RALGAPA1: variants seen among roughly 807,000 people sequenced by gnomAD.
RALGAPA1 encodes the protein Ral GTPase activating protein catalytic subunit alpha 1.
RALGAPA1 carries 52 observed loss-of-function variants against 269.6 expected under a neutral mutation model. The observed-to-expected ratio is 0.19, with a 90% confidence interval of 0.15 to 0.24. The LOEUF is 0.24. Ranked by LOEUF, RALGAPA1 falls within the 10% of genes least tolerant of loss-of-function variation. RALGAPA1 has a pLI of 1.00. For missense variants in RALGAPA1, 1,917 were observed against 3,013.9 expected, an observed-to-expected ratio of 0.64 and a Z score of 8.52; for synonymous variants, 817 against 1,008.3, an observed-to-expected ratio of 0.81 and a Z score of 3.60.
intron 17 of RALGAPA1, among the ~76,000 whole-genome samples, chr14:35,695,866 G>A (rs1375831269): frequency 1.3e-5 from 2 of 152,156 alleles, no homozygotes; most frequent in Middle Eastern, 3.2e-3. Context: ...GTTACCAAAT[G>A]TCTACAATCT....
chr14:35,747,983 G>A (rs1433763208), intron 10 of RALGAPA1, among the ~76,000 whole-genome samples: 1 of 151,514 alleles, frequency 6.6e-6, no homozygotes, highest in African/African-American at 2.4e-5. Context: ...ACTAAGCCTT[G>A]AGGGTAAAAG....
At position 35,606,022 on chromosome 14, in the gene RALGAPA1, G is replaced by A. The variant is rs184311318; in HGVS notation, c.6930-313C>T. On this transcript the variant is annotated intron_variant, in intron 35 of 41. Transcript: ENST00000680220. ...AGAGCATCAGGAAGGACACATAGGT[G>A]TGAATACATAAGCATCTTAAGAGTT... Among the ~76,000 whole-genome samples the A allele has an allele frequency of 1.4e-3, 207 of 152,336 alleles. 3 individuals are homozygous for A. Among genetic ancestry groups the A allele is most frequent in the African/African-American group, 4.7e-3 (195 of 41,584 alleles).
At chr14:35,804,123 A>G (rs2077179065) in intron 1 of RALGAPA1, among the ~76,000 whole-genome samples, 1 of 151,316 alleles carries the variant, frequency 6.6e-6, no homozygotes, top group African/African-American at 2.4e-5. Flanking sequence ...TTAGCCAGGC[A>G]TGGTGACACC....
intron 33 of RALGAPA1, among the ~76,000 whole-genome samples, chr14:35,634,228 T>C (rs528935925): frequency 6.6e-6 from 1 of 152,260 alleles, no homozygotes; most frequent in South Asian, 2.1e-4. Context: ...GAAATGCTCA[T>C]TGGAGCATTT....
chr14:35,697,265 A>G (rs2066976317), intron 17 of RALGAPA1, among the ~76,000 whole-genome samples: 1 of 152,216 alleles, frequency 6.6e-6, no homozygotes, highest in Non-Finnish European at 1.5e-5. Context: ...CAGGATATCA[A>G]TATGTGTACT....
chr14:35,725,071 T>C lies in RALGAPA1; in HGVS notation c.1819A>G (p.Lys607Glu), dbSNP rs144614582. Residue 607 changes from lysine (K) to glutamate (E), a missense_variant, in exon 14 of 42, where the codon AAA (lysine) becomes GAA (glutamate). This residue lies in a region of RALGAPA1 where 462 missense variants were observed against 725.6 expected (regional missense o/e 0.64). Transcript: ENST00000680220. ...CGACCTGCCAAGGTCATATTTTTTT[T>C]CCCTTGGAACTGTAGAAAAGCTTGT... Reference protein sequence around the residue: ...PSQAFLQFQGKKNMTLAGRLA... With the variant: ...PSQAFLQFQGEKNMTLAGRLA... 3,022 of 1,605,748 alleles carry C rather than the reference T, an allele frequency of 1.9e-3. 6 individuals carry two copies. Among genetic ancestry groups the C allele is most frequent in the Non-Finnish European group, 2.3e-3 (2,726 of 1,176,152 alleles).
intron 1 of RALGAPA1, among the ~76,000 whole-genome samples, chr14:35,784,162 C>T (rs896860598): frequency 6.6e-6 from 1 of 151,634 alleles, no homozygotes; most frequent in Admixed American, 6.6e-5. Context: ...AAAATGTATG[C>T]CCACACAAAT....
At chr14:35,697,355 GT>G (rs869139026) in intron 17 of RALGAPA1, among the ~76,000 whole-genome samples, 5 of 139,526 alleles carry the variant, frequency 3.6e-5, no homozygotes, top group Non-Finnish European at 8.0e-5. Flanking sequence ...GTTTTGTTTT[GT>G]TTTTTTTTGA....
In RALGAPA1 at chr14:35,767,807, T is replaced by C. The variant is rs558994435; in HGVS notation, c.325+3135A>G. ...TTTATTGTTGAGACAGGGTATCATT[T>C]TTTTACTCAGGCTAAAAGTGCAGTG... On this transcript the variant is annotated intron_variant, in intron 4 of 41. Coordinates refer to ENST00000680220, the MANE Select transcript of RALGAPA1 (RefSeq NM_001346249.2). Among the ~76,000 whole-genome samples, 5 of 152,310 alleles carry C rather than the reference T, an allele frequency of 3.3e-5. No individual in the cohort carries two copies. In the South Asian group the frequency reaches 8.3e-4, roughly 25 times the overall value.
At chr14:35,753,019 T>C (rs751846341) in intron 7 of RALGAPA1, among the ~76,000 whole-genome samples, 1 of 152,048 alleles carries the variant, frequency 6.6e-6, no homozygotes, top group African/African-American at 2.4e-5. Flanking sequence ...GGCAGAAACA[T>C]GGATTTGTGT....
At chr14:35,576,605 A>G (rs955679763) in intron 37 of RALGAPA1, among the ~76,000 whole-genome samples, 1 of 152,200 alleles carries the variant, frequency 6.6e-6, no homozygotes, top group Non-Finnish European at 1.5e-5. Context: ...GGTTAAAAAA[A>G]TCCACAAAAC....
chr14:35,664,665 C>T lies in RALGAPA1; in HGVS notation c.5305G>A (p.Val1769Met), dbSNP rs1478607867. 3.1e-6 allele frequency: 5 copies of T among 1,610,138 alleles called. No individual in the cohort carries two copies. Among genetic ancestry groups the T allele is most frequent in the Non-Finnish European group, 4.2e-6 (5 of 1,178,478 alleles). Reference protein sequence around the residue: ...SLHPNIPDVAVSQFTDVKELI... With the variant: ...SLHPNIPDVAMSQFTDVKELI... The stretch of plus-strand genomic sequence containing the variant: ...ACCTTAACATCTGTAAACTGAGACA[C>T]AGCAACATCAGGAATGTTGGGATGA... The change falls in exon 27 of 42, where the codon GTG (valine) becomes ATG (methionine). Residue 1769 changes from valine to methionine, a missense_variant. Val to Met is a conservative substitution (Grantham distance 21, BLOSUM62 1). Coordinates refer to ENST00000680220, the MANE Select transcript of RALGAPA1 (RefSeq NM_001346249.2).
intron 35 of RALGAPA1, among the ~76,000 whole-genome samples, chr14:35,621,216 C>T (rs563857692): frequency 9.9e-5 from 15 of 152,192 alleles, no homozygotes; most frequent in South Asian, 6.2e-4. Flanking sequence ...CACACATCTA[C>T]GACCATCTAA....
chr14:35,733,064 A>G (rs1235450387), intron 12 of RALGAPA1, among the ~76,000 whole-genome samples: 1 of 152,228 alleles, frequency 6.6e-6, no homozygotes, highest in East Asian at 1.9e-4. Context: ...TCAGACCACA[A>G]TGGAATAAAA....
chr14:35,684,811 G>T, intron 20 of RALGAPA1, 118 bp downstream of exon 20: 1 of 1,015,142 alleles, frequency 9.9e-7, no homozygotes, highest in Non-Finnish European at 1.4e-6. Context: ...TTTCTAACGT[G>T]GGAGCCACTG....
intron 36 of RALGAPA1, among the ~76,000 whole-genome samples, chr14:35,596,824 T>A (rs895009048): frequency 6.6e-6 from 1 of 152,188 alleles, no homozygotes. Flanking sequence ...AATTTAAGTA[T>A]CTTTAGAAAA....
At chr14:35,693,512 ACT>A (rs1321779449) in intron 17 of RALGAPA1, among the ~76,000 whole-genome samples, 1 of 151,904 alleles carries the variant, frequency 6.6e-6, no homozygotes, top group Non-Finnish European at 1.5e-5. Flanking sequence ...AGGGAAACCA[ACT>A]GTGTCCTCTT....
chr14:35,660,565 A>G (rs2063474556), intron 27 of RALGAPA1, among the ~76,000 whole-genome samples: 1 of 152,164 alleles, frequency 6.6e-6, no homozygotes, highest in Non-Finnish European at 1.5e-5. Context: ...TAAAATGTCC[A>G]TATAATCCAA....
intron 31 of RALGAPA1, among the ~76,000 whole-genome samples, chr14:35,643,269 CA>C (rs1453632091): frequency 1.2e-4 from 18 of 152,140 alleles, no homozygotes; most frequent in African/African-American, 4.1e-4. Flanking sequence ...TAACATGGCA[CA>C]TGTATACATA....
Sources: allele counts gnomAD v4.1 joint callset (sites outside exome capture counted in the v4.1 genomes callset), GRCh38; gene constraint gnomAD v4.1.1; regional missense constraint gnomAD v4.1.1; transcripts MANE v1.5; gene names NCBI Gene and HGNC (gene_info 2026-07-23, HGNC 2026-07-21).